Variants in CEMIP observed in about 807,000 individuals in gnomAD.
CEMIP encodes cell migration inducing hyaluronidase 1, also known as cell migration-inducing and hyaluronan-binding protein.
CEMIP carries 105 observed loss-of-function variants against 156.9 expected under a neutral mutation model. The observed-to-expected ratio is 0.67, with a 90% CI of 0.57 to 0.79. CEMIP has a LOEUF of 0.79. Ranked by LOEUF, CEMIP falls within the 30% of genes least tolerant of loss-of-function variation. CEMIP has a pLI of 0.00. For missense variants in CEMIP, 1,457 were observed against 1,769.4 expected, an observed-to-expected ratio of 0.82 and a Z score of 3.17; for synonymous variants, 676 against 668.4, an observed-to-expected ratio of 1.01 and a Z score of -0.17.
chr15:80,938,218 A>T (rs1439375050), intron 25 of CEMIP: 2 of 492,270 alleles, frequency 4.1e-6, no homozygotes, highest in Admixed American at 3.5e-5. Flanking sequence ...GGGAATTTAC[A>T]TATTTCAGAA....
Position 80,878,886 on chromosome 15 carries a change from G to A in CEMIP, c.241+19G>A. On this transcript the variant is annotated intron_variant, in intron 4 of 29. Coordinates refer to ENST00000394685, the MANE Select transcript of CEMIP (RefSeq NM_001293298.2). ...GAGGGAGGTAAGCCAATCTCTCTCTGCTGCTCCCTCTTCCCTCCACTGCCC... is the reference window on the plus strand; with the variant it reads ...GAGGGAGGTAAGCCAATCTCTCTCTACTGCTCCCTCTTCCCTCCACTGCCC... 3 of 1,614,084 alleles carry A rather than the reference G, an allele frequency of 1.9e-6. No individual in the cohort carries two copies. The highest frequency in any genetic ancestry group is 2.5e-6 in the Non-Finnish European group (3 of 1,179,980).
chr15:80,797,499 C>T (rs1308730417), intron 1 of CEMIP, among the ~76,000 whole-genome samples: 2 of 152,232 alleles, frequency 1.3e-5, no homozygotes, highest in African/African-American at 4.8e-5. Context: ...TGTTCACCAA[C>T]ATCCAGTCCC....
chr15:80,896,486 T>C (rs74931956), intron 12 of CEMIP: 20,904 of 383,822 alleles, frequency 0.054, 668 homozygotes, highest in Non-Finnish European at 0.061. Context: ...GGGAAGCATA[T>C]GTCTGTCACC....
intron 23 of CEMIP, among the ~76,000 whole-genome samples, chr15:80,935,252 T>TCCTGAATAATTGAAGGATGACCAAA (rs1901075709): frequency 1.3e-5 from 2 of 152,178 alleles, no homozygotes; most frequent in South Asian, 4.1e-4. Context: ...GACAGTCATG[T>TCCTGAATAATTGAAGGATGACCAAA]CCTGAATAAT....
chr15:80,896,139 A>C, intron 12 of CEMIP, 79 bp downstream of exon 12: 1 of 1,391,608 alleles, frequency 7.2e-7, no homozygotes, highest in Non-Finnish European at 1.0e-6. Context: ...AGTTACAACA[A>C]ATCTGTATCA....
At chr15:80,860,251 A>G (rs1314828443) in intron 1 of CEMIP, among the ~76,000 whole-genome samples, 1 of 152,232 alleles carries the variant, frequency 6.6e-6, no homozygotes, top group Non-Finnish European at 1.5e-5. Flanking sequence ...CCACTCCAAT[A>G]GCAGCTAACA....
At chr15:80,811,402 C>T (rs1896668988) in intron 1 of CEMIP, among the ~76,000 whole-genome samples, 1 of 152,100 alleles carries the variant, frequency 6.6e-6, no homozygotes, top group Non-Finnish European at 1.5e-5. Context: ...GAGCACAGTC[C>T]TGGAGGGCTG....
intron 1 of CEMIP, among the ~76,000 whole-genome samples, chr15:80,795,465 G>C (rs1896198214): frequency 6.6e-6 from 1 of 152,072 alleles, no homozygotes; most frequent in African/African-American, 2.4e-5. Flanking sequence ...CAGGATGGTG[G>C]ATTGGACATA....
intron 1 of CEMIP, among the ~76,000 whole-genome samples, chr15:80,796,529 G>A (rs1896230233): frequency 6.6e-6 from 1 of 152,198 alleles, no homozygotes; most frequent in Non-Finnish European, 1.5e-5. Flanking sequence ...TTACAAGACT[G>A]TTGGTGCATG....
chr15:80,884,323 G>T lies in CEMIP; in HGVS notation c.766G>T (p.Gly256Ter). 6.2e-7 allele frequency: 1 copy of T among 1,614,178 alleles called. No individual in the cohort carries two copies. The highest frequency in any genetic ancestry group is 8.5e-7 in the Non-Finnish European group (1 of 1,180,028). ...DMARKAMTKL[G>*]SKHFLHLGFR... ...GGCCAGGAAGGCGATGACCAAATTG[G>T]GAAGCAAACACTTCCTGCACCTTGG... The change falls in exon 7 of 30, where the codon GGA (glycine) becomes TGA (stop). Residue 256 changes from glycine to a stop codon, truncating the protein, a stop_gained. Transcript: ENST00000394685. LOFTEE classifies it high-confidence loss of function.
At chr15:80,877,062 A>C (rs1191811039) in intron 3 of CEMIP, among the ~76,000 whole-genome samples, 1 of 152,158 alleles carries the variant, frequency 6.6e-6, no homozygotes, top group African/African-American at 2.4e-5. Context: ...ACGAAGTGAA[A>C]GGCGATTCCC....
chr15:80,859,273 C>G (rs370060244), intron 1 of CEMIP, among the ~76,000 whole-genome samples: 1 of 152,184 alleles, frequency 6.6e-6, no homozygotes, highest in Non-Finnish European at 1.5e-5. Context: ...GGGCTGAATT[C>G]GGGAGCAGGA....
rs1901828786 is a variant in CEMIP at position 80,951,532 on chromosome 15, A to T, written c.*2608A>T. 1 of 152,648 alleles carries T rather than the reference A, an allele frequency of 6.6e-6. No individual in the cohort carries two copies. Among genetic ancestry groups the T allele is most frequent in the East Asian group, 1.9e-4 (1 of 5,198 alleles). The allele number at this position is 152,648 out of a possible 1,614,324, so 9.5% of individuals were successfully genotyped here. On this transcript the variant is annotated 3_prime_UTR_variant, in exon 30 of 30. Coordinates refer to ENST00000394685, the MANE Select transcript of CEMIP (RefSeq NM_001293298.2). Reference sequence around the variant, plus strand: ...TGGTCCTTTTTCGGGAGTTAGATGTATAGAGTGTTTGTATGTAAACATTTC... The same window carrying T: ...TGGTCCTTTTTCGGGAGTTAGATGTTTAGAGTGTTTGTATGTAAACATTTC...
At chr15:80,901,535 C>T (rs1304207163) in intron 12 of CEMIP, among the ~76,000 whole-genome samples, 1 of 152,014 alleles carries the variant, frequency 6.6e-6, no homozygotes, top group Non-Finnish European at 1.5e-5. Flanking sequence ...AACCCCGTCT[C>T]TACTAAAAAT....
At chr15:80,792,111 T>G (rs1308398611) in intron 1 of CEMIP, among the ~76,000 whole-genome samples, 3 of 152,218 alleles carry the variant, frequency 2.0e-5, no homozygotes, top group African/African-American at 7.2e-5. Context: ...AAAGCAAATC[T>G]GAGTATGCCC....
At chr15:80,795,506 C>T (rs548927721) in intron 1 of CEMIP, among the ~76,000 whole-genome samples, 19 of 152,116 alleles carry the variant, frequency 1.2e-4, no homozygotes, top group African/African-American at 4.3e-4. Context: ...TCCAGGAGAA[C>T]TCCCAGGTGG....
chr15:80,798,977 C>G (rs1010041613), intron 1 of CEMIP, among the ~76,000 whole-genome samples: 1 of 152,204 alleles, frequency 6.6e-6, no homozygotes, highest in Non-Finnish European at 1.5e-5. Flanking sequence ...TACTAACTTG[C>G]TATCCCAGGA....
chr15:80,885,704 A>G (rs1898810393), intron 7 of CEMIP, among the ~76,000 whole-genome samples: 2 of 152,228 alleles, frequency 1.3e-5, no homozygotes, highest in Admixed American at 1.3e-4. Context: ...CATCTGTAAA[A>G]TGGGATATAC....
At chr15:80,839,331 TTTA>T (rs1897337992) in intron 1 of CEMIP, among the ~76,000 whole-genome samples, 1 of 150,938 alleles carries the variant, frequency 6.6e-6, no homozygotes, top group Non-Finnish European at 1.5e-5. Flanking sequence ...TGTGTGTGTG[TTTA>T]ATTTGTGGCT....
Sources: gnomAD v4.1 joint callset for allele counts (sites outside exome capture counted in the v4.1 genomes callset) on GRCh38, gnomAD v4.1.1 for gene constraint, MANE v1.5 for transcripts, NCBI Gene and HGNC (gene_info 2026-07-23, HGNC 2026-07-21) for gene names.